KLHL2: variants seen among roughly 807,000 people sequenced by gnomAD.
KLHL2 encodes the protein kelch like family member 2.
In KLHL2, 15 loss-of-function variants were observed where a neutral mutation model predicts 75.8. That is an observed-to-expected ratio of 0.20 (90% CI 0.13 to 0.30). KLHL2 has a LOEUF of 0.30. Among genes scored for constraint, KLHL2 ranks in the 10% least tolerant of loss-of-function variants. KLHL2 has a pLI of 1.00. For synonymous variants in KLHL2, 214 were observed against 251.9 expected, an observed-to-expected ratio of 0.85 and a Z score of 1.42; for missense variants, 381 against 741.0, an observed-to-expected ratio of 0.51 and a Z score of 5.64.
At chr4:165,297,906 C>A (rs1260699132) in intron 7 of KLHL2, among the ~76,000 whole-genome samples, 181 bp downstream of exon 7, 3 of 152,214 alleles carry the variant, frequency 2.0e-5, no homozygotes, top group Non-Finnish European at 4.4e-5. Flanking sequence ...TCTCCGCAAC[C>A]TCCACCTCCC....
intron 10 of KLHL2, among the ~76,000 whole-genome samples, chr4:165,311,016 G>A (rs7681175): frequency 0.33 from 49,443 of 151,706 alleles, 8,854 homozygotes; most frequent in African/African-American, 0.45. Context: ...CACCACGCCC[G>A]GCTAATTTTT....
rs1747027801 is a variant in KLHL2, at chr4:165,322,072, A to G, written c.*12A>G. On this transcript the variant is annotated 3_prime_UTR_variant, in exon 15 of 15. Coordinates refer to ENST00000226725, the MANE Select transcript of KLHL2 (RefSeq NM_007246.4). ...ATAAACCATTATGAGCCTGAAGGACATTTTCAGCATATTTATACATGAGAA... is the reference window on the plus strand; with the variant it reads ...ATAAACCATTATGAGCCTGAAGGACGTTTTCAGCATATTTATACATGAGAA... The G allele has an allele frequency of 1.2e-6, 2 of 1,610,590 alleles. No individual in the cohort carries two copies. Among genetic ancestry groups the G allele is most frequent in the Admixed American group, 1.7e-5 (1 of 59,998 alleles).
intron 5 of KLHL2, chr4:165,278,050 C>G: frequency 6.5e-7 from 1 of 1,532,700 alleles, no homozygotes; most frequent in Non-Finnish European, 9.0e-7. Flanking sequence ...TAAAAAAGCC[C>G]AAGGGCAGAC....
intron 5 of KLHL2, among the ~76,000 whole-genome samples, chr4:165,264,731 T>TATATATATATAC (rs1742067341): frequency 2.4e-5 from 2 of 83,060 alleles, no homozygotes; most frequent in African/African-American, 7.9e-5. Context: ...CATATATATA[T>TATATATATATAC]ATATATATGT....
At chr4:165,310,853 G>GTTT in intron 10 of KLHL2, 103 bp downstream of exon 10, 1 of 725,282 alleles carries the variant, frequency 1.4e-6, no homozygotes, top group Non-Finnish European at 2.2e-6. Context: ...GAGGTTTTTT[G>GTTT]TGTTTTTTTT....
At chr4:165,256,221 G>A (rs568564858) in intron 4 of KLHL2, among the ~76,000 whole-genome samples, 3 of 152,148 alleles carry the variant, frequency 2.0e-5, no homozygotes, top group East Asian at 1.9e-4. Context: ...TCTCCCCTCC[G>A]TTTCTTTGTT....
chr4:165,279,084 CT>C (rs751557919), intron 5 of KLHL2: 1 of 1,553,784 alleles, frequency 6.4e-7, no homozygotes, highest in East Asian at 2.2e-5. Flanking sequence ...TTGACGCCTC[CT>C]GTCAAACTCC....
intron 8 of KLHL2, among the ~76,000 whole-genome samples, chr4:165,303,999 C>G (rs1385510517): frequency 6.6e-6 from 1 of 152,130 alleles, no homozygotes; most frequent in African/African-American, 2.4e-5. Context: ...CCTCAGCTTC[C>G]CCAGTAGCTG....
At chr4:165,254,130 A>T (rs201547986) in intron 4 of KLHL2, among the ~76,000 whole-genome samples, 654 of 123,396 alleles carry the variant, frequency 5.3e-3, no homozygotes, top group East Asian at 0.012. Context: ...TTGTTTTATT[A>T]TTTAAGTTTC....
chr4:165,223,416 G>A (rs1738167033), intron 2 of KLHL2, among the ~76,000 whole-genome samples: 1 of 152,218 alleles, frequency 6.6e-6, no homozygotes, highest in African/African-American at 2.4e-5. Flanking sequence ...CTTCAGTTGG[G>A]CCTTGATGGG....
chr4:165,228,610 G>A (rs1003251006), intron 2 of KLHL2, among the ~76,000 whole-genome samples, 197 bp from the exon 3 acceptor site: 3 of 152,150 alleles, frequency 2.0e-5, no homozygotes, highest in African/African-American at 7.2e-5. Context: ...CTTAGTGAGA[G>A]TCCAAGGCAT....
intron 5 of KLHL2, among the ~76,000 whole-genome samples, chr4:165,264,585 C>CATATATAT (rs55960426): frequency 4.6e-5 from 6 of 129,402 alleles, no homozygotes; most frequent in African/African-American, 1.5e-4. Flanking sequence ...AGTATTCCAT[C>CATATATAT]ATATATATAT....
At chr4:165,283,319 G>C (rs1743836729) in intron 5 of KLHL2, among the ~76,000 whole-genome samples, 2 of 152,218 alleles carry the variant, frequency 1.3e-5, no homozygotes, top group African/African-American at 4.8e-5. Context: ...TCTCATCCCA[G>C]ACAAGTCAAG....
intron 13 of KLHL2, among the ~76,000 whole-genome samples, chr4:165,315,475 AAGAG>A (rs1465533092): frequency 6.6e-6 from 1 of 152,194 alleles, no homozygotes; most frequent in South Asian, 2.1e-4. Flanking sequence ...GATAATCAGG[AAGAG>A]AGAGAAATCT....
At chr4:165,236,856 A>G (rs1739389975) in intron 3 of KLHL2, among the ~76,000 whole-genome samples, 1 of 152,072 alleles carries the variant, frequency 6.6e-6, no homozygotes, top group Non-Finnish European at 1.5e-5. Context: ...AAAATGACAA[A>G]TATTTGAACT....
intron 5 of KLHL2, among the ~76,000 whole-genome samples, chr4:165,280,214 T>C (rs1468071597): frequency 6.6e-6 from 1 of 152,224 alleles, no homozygotes; most frequent in African/African-American, 2.4e-5. Flanking sequence ...GCCCACACTG[T>C]TGTGGGTGAT....
chr4:165,249,772 CTTAT>C (rs1740543538), intron 4 of KLHL2, among the ~76,000 whole-genome samples: 1 of 152,148 alleles, frequency 6.6e-6, no homozygotes, highest in African/African-American at 2.4e-5. Context: ...ATTTTTAATT[CTTAT>C]TTATCTCCTT....
intron 1 of KLHL2, among the ~76,000 whole-genome samples, chr4:165,209,196 A>G (rs1737039434): frequency 6.6e-6 from 1 of 152,158 alleles, no homozygotes; most frequent in South Asian, 2.1e-4. Flanking sequence ...GTTCTTCAGC[A>G]GGCTGGAGGA....
rs376652499 is a variant in KLHL2, at chr4:165,278,298, A to C, written c.544+14939A>C. The C allele has an allele frequency of 4.8e-4, 511 of 1,074,250 alleles. 2 individuals carry two copies. The East Asian group carries it at 0.011, about 23-fold the overall frequency. 66.5% of individuals were successfully genotyped at this position (1,074,250 alleles called of 1,614,324 possible). A position where few individuals can be genotyped will look rare whatever the true frequency, so the allele number is the denominator to read the frequency against. On this transcript the variant is annotated intron_variant, in intron 5 of 14. Transcript: ENST00000226725. ...CCCAGTGCAGTGGTTTCGGGCATCA[A>C]GGGCTTCACTACTGGAATATACAGA...
Sources: allele counts gnomAD v4.1 joint callset (sites outside exome capture counted in the v4.1 genomes callset), GRCh38; gene constraint gnomAD v4.1.1; transcripts MANE v1.5; gene names NCBI Gene and HGNC (gene_info 2026-07-23, HGNC 2026-07-21).